Variants in GRIN2B observed in about 807,000 individuals in gnomAD.
GRIN2B encodes glutamate receptor ionotropic, NMDA 2B.
A neutral mutation model predicts 114.5 loss-of-function variants in GRIN2B; 5 were observed. That is an observed-to-expected ratio of 0.04 (90% CI 0.02 to 0.09). The LOEUF (loss-of-function observed/expected upper bound fraction) is 0.09. Ranked by LOEUF, GRIN2B falls within the 10% of genes least tolerant of loss-of-function variation. The pLI is 1.00. For missense variants in GRIN2B, 1,108 were observed against 1,943.5 expected, an observed-to-expected ratio of 0.57 and a Z score of 8.08; for synonymous variants, 787 against 745.1, an observed-to-expected ratio of 1.06 and a Z score of -0.92.
intron 4 of GRIN2B, among the ~76,000 whole-genome samples, chr12:13,722,771 G>A (rs530629896): frequency 5.9e-5 from 9 of 152,234 alleles, no homozygotes; most frequent in African/African-American, 2.2e-4. Flanking sequence ...CATCATCATG[G>A]TTGTGTTTTT....
chr12:13,722,462 G>A (rs997861479), intron 4 of GRIN2B, among the ~76,000 whole-genome samples: 3 of 152,192 alleles, frequency 2.0e-5, no homozygotes, highest in South Asian at 4.2e-4. Context: ...TAGAAGCAGG[G>A]ATTCTTCATC....
chr12:13,599,200 G>A (rs1051585010), intron 10 of GRIN2B, among the ~76,000 whole-genome samples: 13 of 152,186 alleles, frequency 8.5e-5, no homozygotes, highest in Non-Finnish European at 1.3e-4. Flanking sequence ...ATGCTGGACA[G>A]GAAATCTCGA....
chr12:13,870,074 A>G (rs548717928), intron 2 of GRIN2B, among the ~76,000 whole-genome samples: 3 of 152,214 alleles, frequency 2.0e-5, no homozygotes, highest in South Asian at 4.2e-4. Flanking sequence ...TGAGGGTGAA[A>G]GAATGGCAGA....
At position 13,615,569 on chromosome 12, in the gene GRIN2B, G is replaced by A; in HGVS notation, c.1424C>T (p.Thr475Ile). 1 of 1,611,520 alleles carries A rather than the reference G, an allele frequency of 6.2e-7. No individual in the cohort carries two copies. Among genetic ancestry groups the A allele is most frequent in the Non-Finnish European group, 8.5e-7 (1 of 1,177,630 alleles). Residue 475 changes from threonine to isoleucine, a missense_variant, in exon 7 of 14, where the codon ACC becomes ATC. Thr to Ile is a moderately conservative substitution (Grantham distance 89). Transcript: ENST00000609686. This position sits in a 1 kb window ranked among gnomAD's most constrained non-coding sequence, Gnocchi z 5.8. ...LKKISKSVKFTYDLYLVTNGK... is the reference protein window; with the variant it reads ...LKKISKSVKFIYDLYLVTNGK... ...ATTGGTAACCAGGTAAAGGTCATAGGTGAACTTCACAGATTTAGAAATTTT... is the reference window on the plus strand; with the variant it reads ...ATTGGTAACCAGGTAAAGGTCATAGATGAACTTCACAGATTTAGAAATTTT...
intron 5 of GRIN2B, among the ~76,000 whole-genome samples, chr12:13,669,896 C>A (rs76497675): frequency 1.3e-5 from 2 of 152,080 alleles, no homozygotes; most frequent in Admixed American, 6.6e-5. Context: ...GATCACAGAG[C>A]CCCCACACCC....
intron 3 of GRIN2B, among the ~76,000 whole-genome samples, chr12:13,817,586 G>A: frequency 6.6e-6 from 1 of 152,142 alleles, no homozygotes; most frequent in Non-Finnish European, 1.5e-5. Context: ...AGAACCTGTT[G>A]CTACAGTTGC....
chr12:13,920,208 G>A (rs1866799052), intron 2 of GRIN2B, among the ~76,000 whole-genome samples: 1 of 148,384 alleles, frequency 6.7e-6, no homozygotes, highest in African/African-American at 2.5e-5. Flanking sequence ...AGGCCAGCCT[G>A]GGTAACATAG....
Position 13,616,073 on chromosome 12 carries a change from T to G in GRIN2B, c.1328+382A>C, listed in dbSNP as rs779392473. 4.0e-4 allele frequency among the ~76,000 whole-genome samples: 61 copies of G among 152,230 alleles called. 2 individuals are homozygous for G. Among genetic ancestry groups the G allele is most frequent in the Non-Finnish European group, 8.4e-4 (57 of 68,046 alleles). On this transcript the variant is annotated intron_variant, in intron 6 of 13. Coordinates refer to ENST00000609686, the MANE Select transcript of GRIN2B (RefSeq NM_000834.5). ...CACCAAGGAGAACCATTATCCTGACTTTTAAAAGCATAGATTAGTTTTATA... is the reference window on the plus strand; with the variant it reads ...CACCAAGGAGAACCATTATCCTGACGTTTAAAAGCATAGATTAGTTTTATA...
At chr12:13,694,719 G>A (rs1311873464) in intron 4 of GRIN2B, among the ~76,000 whole-genome samples, 3 of 113,316 alleles carry the variant, frequency 2.6e-5, no homozygotes, top group African/African-American at 1.1e-4. Flanking sequence ...ATTAATATTG[G>A]TCACCACATA....
At chr12:13,656,491 C>A (rs1949865196) in intron 5 of GRIN2B, among the ~76,000 whole-genome samples, 1 of 152,182 alleles carries the variant, frequency 6.6e-6, no homozygotes, top group African/African-American at 2.4e-5. Context: ...CTGCACAAAG[C>A]AAAGAGAGTC....
intron 2 of GRIN2B, among the ~76,000 whole-genome samples, chr12:13,972,919 T>G (rs568591911): frequency 1.3e-5 from 2 of 152,206 alleles, no homozygotes; most frequent in Non-Finnish European, 2.9e-5. Flanking sequence ...ACAAGTCTAA[T>G]ATGCACAGGT....
intron 3 of GRIN2B, among the ~76,000 whole-genome samples, chr12:13,842,917 CTTTTTTT>C (rs201344138): frequency 2.9e-5 from 3 of 103,222 alleles, no homozygotes; most frequent in African/African-American, 7.1e-5. Flanking sequence ...ATTGGTTTTT[CTTTTTTT>C]TTTTTTTTTT....
rs781344452 is a variant in GRIN2B at position 13,866,116 on chromosome 12, G to A, written c.93C>T (p.Ser31=). The A allele has an allele frequency of 6.2e-6, 10 of 1,613,746 alleles. No homozygotes were observed. Among genetic ancestry groups the A allele is most frequent in the African/African-American group, 4.0e-5 (3 of 74,916 alleles). The part of the protein sequence containing the change: ...VSGSRARSQK[S]PPSIGIAVIL... The stretch of plus-strand genomic sequence containing the variant: ...TGACAGCAATGCCAATGCTGGGGGG[G>A]CTCTTCTGAGAACGAGCTCTGCTGC... Residue 31 remains serine, a synonymous_variant, in exon 3 of 14, where the codon AGC becomes AGT. Coordinates refer to ENST00000609686, the MANE Select transcript of GRIN2B (RefSeq NM_000834.5).
At chr12:13,849,823 G>A (rs1386091194) in intron 3 of GRIN2B, among the ~76,000 whole-genome samples, 1 of 152,146 alleles carries the variant, frequency 6.6e-6, no homozygotes, top group Non-Finnish European at 1.5e-5. Flanking sequence ...CAGTCATGAG[G>A]GGTGGAAACC....
intron 13 of GRIN2B, among the ~76,000 whole-genome samples, chr12:13,566,564 C>T (rs1334434651): frequency 1.3e-5 from 2 of 152,180 alleles, no homozygotes; most frequent in Admixed American, 6.5e-5. Flanking sequence ...CTTCAACTCT[C>T]CATAACCAAC....
chr12:13,906,373 C>T (rs1257540682), intron 2 of GRIN2B, among the ~76,000 whole-genome samples: 4 of 152,180 alleles, frequency 2.6e-5, no homozygotes, highest in African/African-American at 9.7e-5. Context: ...AATTCTTGTA[C>T]CACTTTTCCA....
chr12:13,697,045 G>T (rs1950266447), intron 4 of GRIN2B, among the ~76,000 whole-genome samples: 1 of 152,124 alleles, frequency 6.6e-6, no homozygotes, highest in Admixed American at 6.5e-5. Context: ...ACTGCACAAA[G>T]TGGGTAATAA....
At chr12:13,842,232 C>T (rs1016546454) in intron 3 of GRIN2B, among the ~76,000 whole-genome samples, 2 of 152,214 alleles carry the variant, frequency 1.3e-5, no homozygotes, top group Non-Finnish European at 2.9e-5. Flanking sequence ...TGTTACAGTT[C>T]AGACTTCTGT....
At chr12:13,950,419 T>C (rs888502516) in intron 2 of GRIN2B, among the ~76,000 whole-genome samples, 6 of 152,214 alleles carry the variant, frequency 3.9e-5, no homozygotes, top group Non-Finnish European at 7.4e-5. Context: ...AGGCAAGTTA[T>C]TTCATCTCTT....
Sources: gnomAD v4.1 joint callset for allele counts (sites outside exome capture counted in the v4.1 genomes callset) on GRCh38, gnomAD v4.1.1 for gene constraint, Gnocchi (gnomAD v3.1) non-coding constraint, MANE v1.5 for transcripts, NCBI Gene and HGNC (gene_info 2026-07-23, HGNC 2026-07-21) for gene names.